The following KIAA1549L variants were observed in gnomAD, a reference collection of about 807,000 sequenced individuals.
The protein encoded by KIAA1549L is KIAA1549 like.
KIAA1549L carries 88 observed loss-of-function variants against 160.7 expected under a neutral mutation model. The ratio of observed to expected loss-of-function variants is 0.55; its 90% CI spans 0.46 to 0.65. KIAA1549L has a LOEUF of 0.65. Among genes scored for constraint, KIAA1549L ranks in the 30% least tolerant of loss-of-function variants. The probability of loss-of-function intolerance (pLI) is 0.00; values close to 1 mark genes in which losing one functional copy is unlikely to be tolerated. For missense variants in KIAA1549L, 2,258 were observed against 2,437.5 expected (o/e 0.93, Z 1.55); for synonymous variants, 950 against 976.7 (o/e 0.97, Z 0.51).
At chr11:33,573,191 A>G (rs1803813973) in intron 9 of KIAA1549L, among the ~76,000 whole-genome samples, 1 of 152,224 alleles carries the variant, frequency 6.6e-6, no homozygotes, top group South Asian at 2.1e-4. Context: ...TGCAGAATTT[A>G]AAGGACACTA....
rs552568177 is a variant in KIAA1549L at position 33,537,004 on chromosome 11, A to G, written c.239-4798A>G. ...ACCTACAAAGCTGCAGAGGGAGGTG[A>G]TGGCTACTGGAGCAATGGTCCGGCT... On this transcript the variant is annotated intron_variant, in intron 1 of 20. Coordinates refer to ENST00000658780, the MANE Select transcript of KIAA1549L (RefSeq NM_012194.3). 2.0e-5 allele frequency among the ~76,000 whole-genome samples: 3 copies of G among 152,302 alleles called. 1 individual carries two copies. Among genetic ancestry groups the G allele is most frequent in the African/African-American group, 7.2e-5 (3 of 41,588 alleles).
intron 9 of KIAA1549L, 48 bp downstream of exon 9, chr11:33,568,275 G>A (rs773426018): frequency 1.3e-6 from 2 of 1,523,248 alleles, no homozygotes; most frequent in Non-Finnish European, 1.8e-6. Context: ...TGGGGGTAGA[G>A]GGGGGGATGT....
rs1296374622 is a variant in KIAA1549L at position 33,674,080 on chromosome 11, A to G, written c.*5926A>G. On this transcript the variant is annotated 3_prime_UTR_variant, in exon 21 of 21. Coordinates refer to ENST00000658780, the MANE Select transcript of KIAA1549L (RefSeq NM_012194.3). ...GAATTTTTTATTGTAAAATAAAATG[A>G]CAAAGGCTTTCATACCCCAAAACCT... is the stretch of plus-strand genomic sequence containing the variant. The G allele has an allele frequency of 6.6e-6, 1 of 152,236 alleles. No individual in the cohort carries two copies. Among genetic ancestry groups the G allele is most frequent in the African/African-American group, 2.4e-5 (1 of 41,456 alleles). 9.4% of individuals were successfully genotyped at this position (152,236 alleles called of 1,614,324 possible).
Position 33,656,085 on chromosome 11 carries a change from C to G in KIAA1549L, c.5834C>G (p.Pro1945Arg). 6.2e-7 allele frequency: 1 copy of G among 1,613,666 alleles called. No homozygotes were observed. Among genetic ancestry groups the G allele is most frequent in the Non-Finnish European group, 8.5e-7 (1 of 1,179,620 alleles). Reference sequence around the variant, plus strand: ...CCACCCGTACCTCCCCGGACTGGTCCTGTGGCTGTCGCTTCTCTCAGGCGG... The same window carrying G: ...CCACCCGTACCTCCCCGGACTGGTCGTGTGGCTGTCGCTTCTCTCAGGCGG... ...PPPPVPPRTG[P>R]VAVASLRRST... Residue 1945 changes from proline (P) to arginine (R), a missense_variant, in exon 18 of 21, where the codon CCT (proline) becomes CGT (arginine). Pro to Arg is a moderately radical substitution (Grantham distance 103). Coordinates refer to ENST00000658780, the MANE Select transcript of KIAA1549L (RefSeq NM_012194.3).
intron 1 of KIAA1549L, among the ~76,000 whole-genome samples, chr11:33,411,667 G>A (rs1421048747): frequency 2.0e-5 from 3 of 152,114 alleles, no homozygotes; most frequent in African/African-American, 7.2e-5. Flanking sequence ...TTTAAATGAC[G>A]GAGGCAAGTT....
intron 1 of KIAA1549L, among the ~76,000 whole-genome samples, chr11:33,446,623 G>T (rs1851617418): frequency 6.6e-6 from 1 of 152,064 alleles, no homozygotes; most frequent in Non-Finnish European, 1.5e-5. Context: ...CCAAATGTTG[G>T]CTAGGACTGC....
intron 1 of KIAA1549L, among the ~76,000 whole-genome samples, chr11:33,407,231 C>G (rs570172810): frequency 3.3e-5 from 5 of 150,898 alleles, no homozygotes; most frequent in Non-Finnish European, 7.4e-5. Context: ...ACTACAGGCG[C>G]CTGCCACCAC....
In KIAA1549L at chr11:33,629,934, T is replaced by A. The variant is rs1040769382; in HGVS notation, c.5409+11272T>A. 5.8e-4 allele frequency among the ~76,000 whole-genome samples: 87 copies of A among 150,584 alleles called. No individual in the cohort carries two copies. In the East Asian group the frequency reaches 0.016, roughly 28 times the overall value. On this transcript the variant is annotated intron_variant, in intron 16 of 20. Transcript: ENST00000658780. ...TTTGTGGTTTTATCTACTTTTGGTC[T>A]TTGATGATGGTGATGTACAGATGGT... is the stretch of plus-strand genomic sequence containing the variant.
At chr11:33,504,272 AT>A (rs1162050698) in intron 1 of KIAA1549L, among the ~76,000 whole-genome samples, 1 of 152,046 alleles carries the variant, frequency 6.6e-6, no homozygotes, top group Non-Finnish European at 1.5e-5. Context: ...AAAAAAAAAA[AT>A]CTTAATCATG....
intron 1 of KIAA1549L, among the ~76,000 whole-genome samples, chr11:33,435,816 G>GTGTGTGTGTGTGTGTATATATATATATA (rs1554976827): frequency 1.5e-4 from 6 of 39,582 alleles, no homozygotes; most frequent in Non-Finnish European, 2.5e-4. Flanking sequence ...ATATATGTGT[G>GTGTGTGTGTGTGTGTATATATATATATA]TGTATATATA....
At position 33,435,759 on chromosome 11, in the gene KIAA1549L, GATATATATATATATATATAT is replaced by G. The variant is rs71034686; in HGVS notation, c.238+58903_238+58922del. 5.3e-4 allele frequency among the ~76,000 whole-genome samples: 8 copies of G among 14,992 alleles called. 1 individual carries two copies. The highest frequency in any genetic ancestry group is 6.8e-4 in the Non-Finnish European group (6 of 8,788). 9.8% of individuals were successfully genotyped at this position (14,992 alleles called of 152,430 possible). ...CCTTCCAGAGAAACAGAACCAATAA[GATATATATATATATATATAT>G]ATATATATATATATATATATATATA... On this transcript the variant is annotated intron_variant, in intron 1 of 20. Coordinates refer to ENST00000658780, the MANE Select transcript of KIAA1549L (RefSeq NM_012194.3).
At chr11:33,644,367 T>A (rs892580675) in intron 16 of KIAA1549L, among the ~76,000 whole-genome samples, 16 of 152,382 alleles carry the variant, frequency 1.0e-4, no homozygotes, top group Admixed American at 1.0e-3. Flanking sequence ...ATGACCTTCA[T>A]GTGTAATATT....
At chr11:33,402,893 T>C (rs1486926399) in intron 1 of KIAA1549L, among the ~76,000 whole-genome samples, 1 of 152,206 alleles carries the variant, frequency 6.6e-6, no homozygotes, top group Non-Finnish European at 1.5e-5. Context: ...GCTAGGGCCC[T>C]GCTCTAGTCC....
rs1361775642 is a variant in KIAA1549L, at chr11:33,673,652, T to C, written c.*5498T>C. On this transcript the variant is annotated 3_prime_UTR_variant, in exon 21 of 21. Transcript: ENST00000658780. The stretch of plus-strand genomic sequence containing the variant: ...GACAAGCACTTGAAGCCATTCTTAC[T>C]AAATTATTAGTTTTGTAATTCGGTT... 1 of 152,248 alleles carries C rather than the reference T, an allele frequency of 6.6e-6. No homozygotes were observed. Among genetic ancestry groups the C allele is most frequent in the African/African-American group, 2.4e-5 (1 of 41,460 alleles). 9.4% of individuals were successfully genotyped at this position (152,248 alleles called of 1,614,324 possible).
In KIAA1549L at chr11:33,653,294, A is replaced by G. The variant is rs147840611; in HGVS notation, c.5761-2718A>G. 4.0e-3 allele frequency among the ~76,000 whole-genome samples: 603 copies of G among 152,342 alleles called. 7 individuals are homozygous for G. The highest frequency in any genetic ancestry group is 0.014 in the African/African-American group (583 of 41,584). Reference sequence around the variant, plus strand: ...ACATTGTTTACTGATGCTCAAAAAAAATTGGAAGTACAGCACAGCAACGTA... The same window carrying G: ...ACATTGTTTACTGATGCTCAAAAAAGATTGGAAGTACAGCACAGCAACGTA... On this transcript the variant is annotated intron_variant, in intron 17 of 20. Transcript: ENST00000658780.
intron 16 of KIAA1549L, among the ~76,000 whole-genome samples, chr11:33,645,431 A>C (rs1388343039): frequency 6.6e-6 from 1 of 152,190 alleles, no homozygotes; most frequent in Non-Finnish European, 1.5e-5. Context: ...TGTTACACTA[A>C]CAGGCAGAGC....
intron 1 of KIAA1549L, among the ~76,000 whole-genome samples, chr11:33,530,915 C>T (rs919875724): frequency 6.6e-5 from 10 of 152,100 alleles, no homozygotes; most frequent in South Asian, 2.1e-4. Flanking sequence ...AAAGGCAGTG[C>T]GAAGTTGGAT....
chr11:33,667,826 C>A, intron 20 of KIAA1549L, 47 bp from the exon 21 acceptor site: 1 of 1,541,774 alleles, frequency 6.5e-7, no homozygotes, highest in East Asian at 2.4e-5. Context: ...GACTTGAGCT[C>A]CTTCCTCATG....
At chr11:33,618,007 T>C (rs1850864215) in intron 15 of KIAA1549L, among the ~76,000 whole-genome samples, 1 of 152,168 alleles carries the variant, frequency 6.6e-6, no homozygotes, top group South Asian at 2.1e-4. Flanking sequence ...GTTTATGGCT[T>C]CTTAGTCCGG....
Sources: allele counts gnomAD v4.1 joint callset (sites outside exome capture counted in the v4.1 genomes callset), GRCh38; gene constraint gnomAD v4.1.1; transcripts MANE v1.5; gene names NCBI Gene and HGNC (gene_info 2026-07-23, HGNC 2026-07-21).